FAM200A: variants seen among roughly 807,000 people sequenced by gnomAD.
FAM200A encodes the protein protein FAM200A.
FAM200A carries 26 observed loss-of-function variants against 44.2 expected under a neutral mutation model. That is an observed-to-expected ratio of 0.59 (90% CI 0.43 to 0.82). The LOEUF is 0.82. Ranked by LOEUF, FAM200A falls within the 40% of genes least tolerant of loss-of-function variation. FAM200A has a pLI of 0.00. For missense variants in FAM200A, 606 were observed against 669.5 expected (o/e 0.91, Z 1.05); for synonymous variants, 206 against 244.4 (o/e 0.84, Z 1.47).
intron 1 of FAM200A, among the ~76,000 whole-genome samples, chr7:99,549,841 CTGAA>C (rs1802488113): frequency 6.6e-6 from 1 of 151,918 alleles, no homozygotes; most frequent in Non-Finnish European, 1.5e-5. Context: ...CAGGTGGGAA[CTGAA>C]CAATGAGAAC....
In FAM200A at chr7:99,548,910, G is replaced by A. The variant is rs1361883915; in HGVS notation, c.-99-404C>T. ...TTTTTTTTTTTTGAGATGGAGTTTC[G>A]CTCTTGTTGCCCAGGCTGGAGTGCA... is the stretch of plus-strand genomic sequence containing the variant. On this transcript the variant is annotated intron_variant, in intron 1 of 1. Transcript: ENST00000449309. 7.3e-5 allele frequency among the ~76,000 whole-genome samples: 9 copies of A among 123,002 alleles called. No individual in the cohort carries two copies. In the East Asian group the frequency reaches 1.6e-3, roughly 22 times the overall value. The allele number at this position is 123,002 out of a possible 152,430, so 80.7% of individuals were successfully genotyped here.
chr7:99,550,076 T>G (rs942739924), intron 1 of FAM200A, among the ~76,000 whole-genome samples: 4 of 151,820 alleles, frequency 2.6e-5, no homozygotes, highest in Non-Finnish European at 5.9e-5. Flanking sequence ...AAAAAAAAAC[T>G]TAAAAAAAGT....
chr7:99,550,575 GAGATAA>G (rs1802505799), intron 1 of FAM200A, among the ~76,000 whole-genome samples: 1 of 152,176 alleles, frequency 6.6e-6, no homozygotes, highest in Non-Finnish European at 1.5e-5. Flanking sequence ...AAGAGACCTT[GAGATAA>G]TCTATTTTAC....
In FAM200A at chr7:99,552,027, G is replaced by A. The variant is rs1802547292; in HGVS notation, c.-273C>T. 1.0e-6 allele frequency: 1 copy of A among 985,496 alleles called. No individual in the cohort carries two copies. The highest frequency in any genetic ancestry group is 4.7e-5 in the South Asian group (1 of 21,292). The allele number at this position is 985,496 out of a possible 1,614,324, so 61.0% of individuals were successfully genotyped here. A position where few individuals can be genotyped will look rare whatever the true frequency, so the allele number is the denominator to read the frequency against. On this transcript the variant is annotated 5_prime_UTR_variant, in exon 1 of 2. Transcript: ENST00000449309. Reference sequence around the variant, plus strand: ...CCCGCCCGGAGAAGTCTGGGATGCTGGGATAGAAGGGGTTGTGACTTTGGG... The same window carrying A: ...CCCGCCCGGAGAAGTCTGGGATGCTAGGATAGAAGGGGTTGTGACTTTGGG...
upstream of FAM200A, among the ~76,000 whole-genome samples, chr7:99,553,115 T>TCC (rs1378001785): frequency 1.5e-4 from 19 of 128,110 alleles, no homozygotes; most frequent in Non-Finnish European, 2.8e-4. Context: ...TTTTTTTTTT[T>TCC]TTTCCTCCTA....
upstream of FAM200A, chr7:99,552,122 G>A (rs1416500129): frequency 3.0e-6 from 3 of 985,382 alleles, no homozygotes; most frequent in African/African-American, 3.5e-5. Flanking sequence ...CACAAAAGCC[G>A]GAAGTGCGTC....
rs1415337563 is a variant in FAM200A at position 99,547,702 on chromosome 7, C to T, written c.706G>A (p.Ala236Thr). The T allele has an allele frequency of 6.4e-7, 1 of 1,551,516 alleles. No homozygotes were observed. The highest frequency in any genetic ancestry group is 8.7e-7 in the Non-Finnish European group (1 of 1,146,932). ...TGAATAAAACAGTGATTCCAAACAG[C>T]ATTGTTGTGGGTTGCTTCTAACAAT... ...EKLLEATHNN[A>T]VWNHCFIHRE... Residue 236 changes from alanine (A) to threonine (T), a missense_variant, in exon 2 of 2, where the codon GCT (alanine) becomes ACT (threonine). By Grantham distance (58) the Ala-to-Thr change is moderately conservative. Transcript: ENST00000449309.
chr7:99,557,596 T>A (rs1302027356), intron 1 of FAM200A, among the ~76,000 whole-genome samples: 1 of 152,232 alleles, frequency 6.6e-6, no homozygotes, highest in Non-Finnish European at 1.5e-5. Flanking sequence ...TCTCCGATCC[T>A]GACTCCACTG....
upstream of FAM200A, among the ~76,000 whole-genome samples, chr7:99,553,075 ATATATATATATATATATATATATATTT>A (rs1802584787): frequency 1.3e-5 from 1 of 74,158 alleles, no homozygotes; most frequent in African/African-American, 9.0e-5. Flanking sequence ...ACACACATAT[ATATATATATATATATATATATATATTT>A]TTTTTTTTTT....
chr7:99,550,980 G>A (rs1802514656), intron 1 of FAM200A, among the ~76,000 whole-genome samples: 1 of 151,970 alleles, frequency 6.6e-6, no homozygotes, highest in Admixed American at 6.5e-5. Context: ...AGGAAGCTGA[G>A]GCAGGAGAAG....
At chr7:99,549,086 C>CA (rs1479724755) in intron 1 of FAM200A, among the ~76,000 whole-genome samples, 3 of 18,668 alleles carry the variant, frequency 1.6e-4, no homozygotes, top group Non-Finnish European at 2.2e-4. Flanking sequence ...AAACAAAAAA[C>CA]AAAAAACAAA....
intron 1 of FAM200A, among the ~76,000 whole-genome samples, chr7:99,551,097 G>T (rs1448844973): frequency 1.3e-5 from 2 of 152,016 alleles, no homozygotes; most frequent in Non-Finnish European, 2.9e-5. Context: ...GAAACAAAAA[G>T]ACCCCTTCCT....
chr7:99,548,216 C>A lies in FAM200A; in HGVS notation c.192G>T (p.Ser64=). The part of the protein sequence containing the change: ...TTMNERALLS[S]YLVAYRVAKE... The stretch of plus-strand genomic sequence containing the variant: ...TTGCCACTCTATATGCAACTAAATA[C>A]GATGACAATAAGGCTCTCTCATTCA... Residue 64 remains serine, a synonymous_variant, in exon 2 of 2, where the codon TCG becomes TCT. Transcript: ENST00000449309. 6.3e-7 allele frequency: 1 copy of A among 1,590,046 alleles called. No individual in the cohort carries two copies. Among genetic ancestry groups the A allele is most frequent in the South Asian group, 1.1e-5 (1 of 88,168 alleles).
chr7:99,551,675 C>T (rs1241511407), intron 1 of FAM200A, among the ~76,000 whole-genome samples, 179 bp downstream of exon 1: 1 of 152,192 alleles, frequency 6.6e-6, no homozygotes, highest in Admixed American at 6.5e-5. Context: ...AAAGCCCCCA[C>T]CACAAGAAAA....
chr7:99,552,984 TACACAC>T (rs1180891339), upstream of FAM200A, among the ~76,000 whole-genome samples: 4 of 141,704 alleles, frequency 2.8e-5, no homozygotes, highest in African/African-American at 1.1e-4. Flanking sequence ...TATATATATA[TACACAC>T]ATATATATAC....
chr7:99,547,140 A>C lies in FAM200A; in HGVS notation c.1268T>G (p.Ile423Arg). Residue 423 changes from isoleucine to arginine, a missense_variant, in exon 2 of 2, where the codon ATA becomes AGA. Physicochemically the swap from Ile to Arg is moderately conservative, Grantham distance 97. Coordinates refer to ENST00000449309, the MANE Select transcript of FAM200A (RefSeq NM_145111.4). ...AGACAAAGAAGTGAGATGCAACAAT[A>C]TCTCTAATTTTATTTCTTTTAAGCA... The part of the protein sequence containing the change: ...EDCLKEIKLE[I>R]LLHLTSLSQT... 4.5e-6 allele frequency: 7 copies of C among 1,546,164 alleles called. No individual in the cohort carries two copies. The highest frequency in any genetic ancestry group is 6.1e-6 in the Non-Finnish European group (7 of 1,145,452).
chr7:99,553,132 C>T (rs1802603893), upstream of FAM200A, among the ~76,000 whole-genome samples: 1 of 126,150 alleles, frequency 7.9e-6, no homozygotes, highest in African/African-American at 3.1e-5. Context: ...CCTAGGGCAC[C>T]GTCAAATCCA....
intron 1 of FAM200A, among the ~76,000 whole-genome samples, chr7:99,557,611 G>A (rs1027033007): frequency 2.0e-5 from 3 of 152,144 alleles, no homozygotes; most frequent in Non-Finnish European, 4.4e-5. Flanking sequence ...CCACTGTGAC[G>A]GGCACTGCAG....
At chr7:99,553,100 T>TATATATATATATATATATATATA (rs1491325197), upstream of FAM200A, among the ~76,000 whole-genome samples, 2 of 57,222 alleles carry the variant, frequency 3.5e-5, no homozygotes, top group African/African-American at 1.2e-4. Context: ...TATATATATA[T>TATATATATATATATATATATATA]TTTTTTTTTT....
Sources: allele counts gnomAD v4.1 joint callset (sites outside exome capture counted in the v4.1 genomes callset), GRCh38; gene constraint gnomAD v4.1.1; transcripts MANE v1.5; gene names NCBI Gene and HGNC (gene_info 2026-07-23, HGNC 2026-07-21).